The following KLHL7 variants were observed in gnomAD, a reference collection of about 807,000 sequenced individuals.
The protein encoded by KLHL7 is kelch-like protein 7.
A neutral mutation model predicts 67.4 loss-of-function variants in KLHL7; 44 were observed. The ratio of observed to expected loss-of-function variants is 0.65; its 90% CI spans 0.51 to 0.84. KLHL7 has a LOEUF of 0.84. Among genes scored for constraint, KLHL7 ranks in the 40% least tolerant of loss-of-function variants. The pLI is 0.00. For missense variants in KLHL7, 362 were observed against 718.1 expected, an observed-to-expected ratio of 0.50 and a Z score of 5.67; for synonymous variants, 252 against 243.3, an observed-to-expected ratio of 1.04 and a Z score of -0.33.
chr7:23,117,930 G>T, intron 1 of KLHL7: 1 of 1,614,090 alleles, frequency 6.2e-7, no homozygotes. Flanking sequence ...GGGACTGATT[G>T]CAGAACCTTC....
At chr7:23,110,751 G>A (rs1782835190) in intron 1 of KLHL7, among the ~76,000 whole-genome samples, 1 of 144,506 alleles carries the variant, frequency 6.9e-6, no homozygotes, top group Non-Finnish European at 1.5e-5. Context: ...ATCTCCTAAT[G>A]CTATCCCTCC....
chr7:23,119,296 C>T (rs1453963830), intron 1 of KLHL7, among the ~76,000 whole-genome samples: 1 of 152,124 alleles, frequency 6.6e-6, no homozygotes, highest in East Asian at 1.9e-4. Context: ...CCTCTGTCTC[C>T]TGGGTTCAAG....
At chr7:23,114,142 T>G (rs748317094) in intron 1 of KLHL7, among the ~76,000 whole-genome samples, 8 of 152,192 alleles carry the variant, frequency 5.3e-5, no homozygotes, top group Non-Finnish European at 1.2e-4. Flanking sequence ...AGGGCTACCT[T>G]GTTGTATTTA....
chr7:23,144,135 T>C, intron 6 of KLHL7, 110 bp downstream of exon 6: 1 of 970,096 alleles, frequency 1.0e-6, no homozygotes, highest in Middle Eastern at 3.1e-4. Flanking sequence ...ACATTCAAGA[T>C]TTTGCTCTTC....
chr7:23,118,990 G>C (rs1285383700), intron 1 of KLHL7, among the ~76,000 whole-genome samples: 7 of 152,088 alleles, frequency 4.6e-5, no homozygotes, highest in Non-Finnish European at 2.9e-5. Flanking sequence ...AGGATCACTT[G>C]AGCCCAGGAG....
At chr7:23,127,188 AAAG>A (rs1366085697) in intron 4 of KLHL7, among the ~76,000 whole-genome samples, 1 of 152,218 alleles carries the variant, frequency 6.6e-6, no homozygotes, top group Non-Finnish European at 1.5e-5. Context: ...ATTCAACTAC[AAAG>A]AAGAATGGCT....
At chr7:23,134,958 T>C (rs1479577568) in intron 4 of KLHL7, among the ~76,000 whole-genome samples, 2 of 152,218 alleles carry the variant, frequency 1.3e-5, no homozygotes, top group Non-Finnish European at 2.9e-5. Flanking sequence ...TTCTCTGATC[T>C]TTATTTCTCC....
At chr7:23,130,241 T>C (rs1003984539) in intron 4 of KLHL7, among the ~76,000 whole-genome samples, 1 of 152,216 alleles carries the variant, frequency 6.6e-6, no homozygotes. Context: ...TTTTAAAAGT[T>C]ACATGTCATT....
In KLHL7 at chr7:23,172,833, T is replaced by G. The variant is rs961688350; in HGVS notation, c.1380-115T>G. 7.7e-6 allele frequency: 6 copies of G among 779,400 alleles called. No homozygotes were observed. In the African/African-American group the frequency reaches 1.0e-4, roughly 13 times the overall value. 48.3% of individuals were successfully genotyped at this position (779,400 alleles called of 1,614,324 possible). A position where few individuals can be genotyped will look rare whatever the true frequency, so the allele number is the denominator to read the frequency against. On this transcript the variant is annotated intron_variant, in intron 9 of 10. Transcript: ENST00000339077. ...CCCTTCTAGACATTTTGTGCGTATA[T>G]GTACACATATGTGAGTAGTAAATGA...
intron 1 of KLHL7, among the ~76,000 whole-genome samples, chr7:23,114,533 A>G (rs1783006253): frequency 6.6e-6 from 1 of 152,194 alleles, no homozygotes; most frequent in South Asian, 2.1e-4. Flanking sequence ...AGCACAAAGT[A>G]GCTGGACCAA....
chr7:23,117,952 C>G, intron 1 of KLHL7: 9 of 1,614,076 alleles, frequency 5.6e-6, no homozygotes, highest in Non-Finnish European at 7.6e-6. Flanking sequence ...TGACAAGCCA[C>G]ATAAATCTAA....
At chr7:23,132,333 G>T (rs1783831780) in intron 4 of KLHL7, among the ~76,000 whole-genome samples, 1 of 152,056 alleles carries the variant, frequency 6.6e-6, no homozygotes, top group African/African-American at 2.4e-5. Flanking sequence ...ACTATCTTTT[G>T]GATATGAGCC....
chr7:23,162,467 A>G (rs958569694), intron 7 of KLHL7, among the ~76,000 whole-genome samples: 2 of 152,188 alleles, frequency 1.3e-5, no homozygotes, highest in Non-Finnish European at 2.9e-5. Flanking sequence ...GGATGCTAGG[A>G]CTGAAAGGGA....
chr7:23,150,173 T>G (rs1426316715), intron 6 of KLHL7, among the ~76,000 whole-genome samples: 2 of 152,044 alleles, frequency 1.3e-5, no homozygotes, highest in Non-Finnish European at 2.9e-5. Flanking sequence ...AAAAATAAAA[T>G]AAAATGGCCT....
At chr7:23,148,972 C>T (rs1054400906) in intron 6 of KLHL7, among the ~76,000 whole-genome samples, 26 of 152,186 alleles carry the variant, frequency 1.7e-4, no homozygotes, top group African/African-American at 6.0e-4. Context: ...TGGGGAAAGG[C>T]TTCCAGCCTT....
intron 1 of KLHL7, among the ~76,000 whole-genome samples, chr7:23,119,768 A>G (rs1020452845): frequency 1.3e-5 from 2 of 151,704 alleles, no homozygotes; most frequent in Admixed American, 6.5e-5. Flanking sequence ...TGTTGCTTCT[A>G]TGACTTGGGA....
chr7:23,170,220 CAA>C (rs1208060545), intron 9 of KLHL7, among the ~76,000 whole-genome samples: 3 of 152,112 alleles, frequency 2.0e-5, no homozygotes, highest in Admixed American at 6.6e-5. Flanking sequence ...GTCTCAAAAA[CAA>C]AAACAAAAAT....
chr7:23,167,690 C>A, intron 8 of KLHL7, 146 bp from the exon 9 acceptor site: 1 of 698,690 alleles, frequency 1.4e-6, no homozygotes, highest in Non-Finnish European at 2.5e-6. Flanking sequence ...TAAACTATTC[C>A]TACACTTTGT....
chr7:23,122,137 C>T (rs59550837), intron 1 of KLHL7, among the ~76,000 whole-genome samples: 3,382 of 151,964 alleles, frequency 0.022, 137 homozygotes, highest in African/African-American at 0.077. Flanking sequence ...AGTTGCTGTA[C>T]AAAGATCTAC....
Sources: allele counts gnomAD v4.1 joint callset (sites outside exome capture counted in the v4.1 genomes callset), GRCh38; gene constraint gnomAD v4.1.1; transcripts MANE v1.5; gene names NCBI Gene and HGNC (gene_info 2026-07-23, HGNC 2026-07-21).